Variants in PLSCR4 observed in about 807,000 individuals in gnomAD.
The protein encoded by PLSCR4 is Ca(2+)-dependent phospholipid scramblase 4.
Under a neutral mutation model 36.3 loss-of-function variants are expected in PLSCR4, and 25 were observed. The observed-to-expected ratio is 0.69, with a 90% confidence interval of 0.50 to 0.96. The LOEUF is 0.96. PLSCR4 is among the 40% of genes least tolerant of loss of function. The pLI is 0.00. For missense variants in PLSCR4, 408 were observed against 414.7 expected, an observed-to-expected ratio of 0.98 and a Z score of 0.14; for synonymous variants, 122 against 132.9, an observed-to-expected ratio of 0.92 and a Z score of 0.56.
chr3:146,213,721 G>C (rs2034748660), intron 3 of PLSCR4, among the ~76,000 whole-genome samples: 1 of 152,032 alleles, frequency 6.6e-6, no homozygotes, highest in Non-Finnish European at 1.5e-5. Context: ...GTCTGTTAAG[G>C]TTTCTGTTTC....
chr3:146,216,401 G>GA (rs1308928188), intron 3 of PLSCR4, among the ~76,000 whole-genome samples: 2 of 152,038 alleles, frequency 1.3e-5, no homozygotes, highest in Non-Finnish European at 2.9e-5. Flanking sequence ...AGATCTGGAA[G>GA]AAAGTCCTGT....
At chr3:146,234,468 G>T (rs1019441013) in intron 1 of PLSCR4, among the ~76,000 whole-genome samples, 1 of 152,144 alleles carries the variant, frequency 6.6e-6, no homozygotes, top group Non-Finnish European at 1.5e-5. Flanking sequence ...CCACAGGTGT[G>T]GAAAACACTA....
In PLSCR4 at chr3:146,206,735, G is replaced by T. The variant is rs1010003877; in HGVS notation, c.145C>A (p.Pro49Thr). ...GGCAAGCCTCCTGGGTAGCCAGTAGGTGGAGGGACAGCTGTTCCAGGGGGT... is the reference window on the plus strand; with the variant it reads ...GGCAAGCCTCCTGGGTAGCCAGTAGTTGGAGGGACAGCTGTTCCAGGGGGT... ...PGPPGTAVPP[P>T]TGYPGGLPMG... The change falls in exon 4 of 9, where the codon CCT (proline) becomes ACT (threonine). Residue 49 changes from proline (P) to threonine (T), a missense_variant. Pro to Thr is a conservative substitution (Grantham distance 38, BLOSUM62 -1). Transcript: ENST00000354952. The T allele has an allele frequency of 1.2e-5, 19 of 1,599,538 alleles. No homozygotes were observed. Among genetic ancestry groups the T allele is most frequent in the Non-Finnish European group, 1.6e-5 (19 of 1,171,868 alleles).
At chr3:146,229,596 TATTTATTTATTTATTTATTTATTTA>T (rs761209289) in intron 1 of PLSCR4, among the ~76,000 whole-genome samples, 5,391 of 110,656 alleles carry the variant, frequency 0.049, 182 homozygotes, top group South Asian at 0.095. Flanking sequence ...ATTTTTCATT[TATTTATTTATTTATTTATTTATTTA>T]TTTATTTATT....
intron 3 of PLSCR4, among the ~76,000 whole-genome samples, chr3:146,212,441 T>TG (rs749986896): frequency 1.8e-3 from 263 of 145,930 alleles, no homozygotes; most frequent in Non-Finnish European, 2.9e-3. Flanking sequence ...TGTTTTGTTT[T>TG]TTTTTGTTTT....
At chr3:146,210,103 T>C (rs1173283872) in intron 3 of PLSCR4, among the ~76,000 whole-genome samples, 1 of 152,138 alleles carries the variant, frequency 6.6e-6, no homozygotes, top group African/African-American at 2.4e-5. Flanking sequence ...ATACTTTAAA[T>C]GATGTCTAGA....
intron 1 of PLSCR4, among the ~76,000 whole-genome samples, chr3:146,223,312 A>C (rs2035261016): frequency 1.3e-5 from 2 of 152,190 alleles, no homozygotes; most frequent in South Asian, 2.1e-4. Flanking sequence ...CTGAGTTCTG[A>C]GTAATGACAA....
chr3:146,229,613 A>ATTTC, intron 1 of PLSCR4, among the ~76,000 whole-genome samples: 1 of 126,342 alleles, frequency 7.9e-6, no homozygotes, highest in Admixed American at 8.2e-5. Context: ...TTATTTATTT[A>ATTTC]TTTATTTATT....
At chr3:146,202,653 T>C (rs2034109106) in intron 4 of PLSCR4, among the ~76,000 whole-genome samples, 1 of 152,070 alleles carries the variant, frequency 6.6e-6, no homozygotes, top group African/African-American at 2.4e-5. Flanking sequence ...CTTCTCTGCA[T>C]GAAAGATTTC....
intron 5 of PLSCR4, 121 bp downstream of exon 5, chr3:146,200,914 A>C (rs753833773): frequency 2.2e-5 from 14 of 639,638 alleles, no homozygotes; most frequent in Non-Finnish European, 3.6e-5. Context: ...AGGGTAATAG[A>C]GCAGTTTTTT....
chr3:146,212,627 C>T (rs554096802), intron 3 of PLSCR4, among the ~76,000 whole-genome samples: 7 of 151,896 alleles, frequency 4.6e-5, no homozygotes, highest in African/African-American at 1.7e-4. Flanking sequence ...CCAGCTTAGA[C>T]TTTTTACATA....
intron 1 of PLSCR4, among the ~76,000 whole-genome samples, chr3:146,224,867 T>C (rs2035373105): frequency 6.9e-6 from 1 of 144,398 alleles, no homozygotes; most frequent in South Asian, 2.3e-4. Flanking sequence ...ATACAGAGTA[T>C]GGACACAAAG....
At chr3:146,240,828 T>C (rs57016931) in intron 1 of PLSCR4, among the ~76,000 whole-genome samples, 8,393 of 152,250 alleles carry the variant, frequency 0.055, 570 homozygotes, top group African/African-American at 0.16. Context: ...CCATGTCCTC[T>C]AGTAATTTCT....
rs189423272 is a variant in PLSCR4, at chr3:146,249,301, A to G, written c.-22+1659T>C. Among the ~76,000 whole-genome samples the G allele has an allele frequency of 9.3e-3, 1,410 of 152,250 alleles. 74 individuals are homozygous for G. Among genetic ancestry groups the G allele is most frequent in the Admixed American group, 0.077 (1,179 of 15,292 alleles). ...ATGTTTAGATTTAAACTAGTAAGCC[A>G]TCTAGACTACATTTGTCTATTAACA... On this transcript the variant is annotated intron_variant, in intron 1 of 8. Coordinates refer to ENST00000354952, the MANE Select transcript of PLSCR4 (RefSeq NM_020353.3).
chr3:146,243,926 A>G (rs745726145), intron 1 of PLSCR4, among the ~76,000 whole-genome samples: 21 of 152,190 alleles, frequency 1.4e-4, no homozygotes, highest in Non-Finnish European at 2.9e-4. Flanking sequence ...GTAGGTAAAG[A>G]ATGAAAGCCT....
intron 1 of PLSCR4, among the ~76,000 whole-genome samples, chr3:146,242,914 T>G (rs1344373801): frequency 6.6e-6 from 1 of 152,200 alleles, no homozygotes; most frequent in African/African-American, 2.4e-5. Context: ...GAAAATACAT[T>G]GTCCACTTTT....
At position 146,229,592 on chromosome 3, in the gene PLSCR4, CATTTATTT is replaced by C. The variant is rs202235802; in HGVS notation, c.-21-7508_-21-7501del. Among the ~76,000 whole-genome samples, 550 of 57,292 alleles carry C rather than the reference CATTTATTT, an allele frequency of 9.6e-3. 4 individuals carry two copies. The highest frequency in any genetic ancestry group is 0.019 in the African/African-American group (212 of 11,038). 37.6% of individuals were successfully genotyped at this position (57,292 alleles called of 152,430 possible). On this transcript the variant is annotated intron_variant, in intron 1 of 8. Transcript: ENST00000354952. ...TCCTGATTTTTATCATTTTATTTTT[CATTTATTT>C]ATTTATTTATTTATTTATTTATTTA...
intron 2 of PLSCR4, 55 bp downstream of exon 2, chr3:146,222,010 C>A: frequency 5.7e-6 from 6 of 1,051,878 alleles, no homozygotes; most frequent in South Asian, 1.8e-5. Flanking sequence ...GGAAAATAAT[C>A]ACAAAATTCA....
At chr3:146,204,166 G>A (rs1255448651) in intron 4 of PLSCR4, among the ~76,000 whole-genome samples, 3 of 151,892 alleles carry the variant, frequency 2.0e-5, no homozygotes, top group African/African-American at 7.3e-5. Context: ...AAAGTCACTG[G>A]TAAAGCCAAG....
Sources: gnomAD v4.1 joint callset for allele counts (sites outside exome capture counted in the v4.1 genomes callset) on GRCh38, gnomAD v4.1.1 for gene constraint, MANE v1.5 for transcripts, NCBI Gene and HGNC (gene_info 2026-07-23, HGNC 2026-07-21) for gene names.